The following OSBPL3 variants were observed in gnomAD, a reference collection of about 807,000 sequenced individuals.
The protein encoded by OSBPL3 is oxysterol binding protein like 3.
OSBPL3 carries 65 observed loss-of-function variants against 120.1 expected under a neutral mutation model. The ratio of observed to expected loss-of-function variants is 0.54; its 90% CI spans 0.44 to 0.67. The LOEUF (loss-of-function observed/expected upper bound fraction) is 0.67, where lower values mean the gene tolerates loss of function less well. OSBPL3 is among the 30% of genes least tolerant of loss of function. OSBPL3 has a pLI of 0.00. For missense variants in OSBPL3, 1,004 were observed against 1,082.1 expected (o/e 0.93, Z 1.01); for synonymous variants, 416 against 402.6 (o/e 1.03, Z -0.40).
chr7:24,844,683 G>A (rs1369633219), intron 12 of OSBPL3, among the ~76,000 whole-genome samples: 7 of 149,158 alleles, frequency 4.7e-5, no homozygotes, highest in Admixed American at 4.6e-4. Context: ...AAATTAAACT[G>A]TATTCTGAAA....
intron 14 of OSBPL3, among the ~76,000 whole-genome samples, chr7:24,838,770 G>A (rs1329934420): frequency 6.6e-6 from 1 of 152,210 alleles, no homozygotes; most frequent in Non-Finnish European, 1.5e-5. Flanking sequence ...ACTTTAGTGT[G>A]CATGCTGTTT....
rs117813192 is a variant in OSBPL3 at position 24,856,202 on chromosome 7, G to A, written c.1028-3568C>T. Among the ~76,000 whole-genome samples the A allele has an allele frequency of 4.9e-4, 75 of 152,186 alleles. No individual in the cohort carries two copies. In the East Asian group the frequency reaches 0.013, roughly 26 times the overall value. On this transcript the variant is annotated intron_variant, in intron 10 of 22. Coordinates refer to ENST00000313367, the MANE Select transcript of OSBPL3 (RefSeq NM_015550.4). ...ACCCTTCCTGGACTATGAGAGGCAG[G>A]CACAGGTTGAGTTTTTGACTGTAAG...
chr7:24,963,788 T>C (rs1816062503), intron 1 of OSBPL3, among the ~76,000 whole-genome samples: 1 of 152,222 alleles, frequency 6.6e-6, no homozygotes, highest in African/African-American at 2.4e-5. Context: ...AACAGATTAG[T>C]GTTTTTCACC....
rs903147317 is a variant in OSBPL3 at position 24,953,116 on chromosome 7, G to T, written c.-150+26770C>A. 6.6e-6 allele frequency among the ~76,000 whole-genome samples: 1 copy of T among 152,190 alleles called. No homozygotes were observed. The highest frequency in any genetic ancestry group is 2.4e-5 in the African/African-American group (1 of 41,440). On this transcript the variant is annotated intron_variant, in intron 1 of 22. Transcript: ENST00000313367. This position sits in a 1 kb window ranked among gnomAD's most constrained non-coding sequence, Gnocchi z 4.3. Reference sequence around the variant, plus strand: ...CACACCACTGTGCTCCAGCCTGGACGACAGAGTGAGACCCCGTCTCTAAAA... The same window carrying T: ...CACACCACTGTGCTCCAGCCTGGACTACAGAGTGAGACCCCGTCTCTAAAA...
chr7:24,867,132 C>T lies in OSBPL3; in HGVS notation c.382-895G>A, dbSNP rs147704044. Among the ~76,000 whole-genome samples the T allele has an allele frequency of 8.3e-3, 1,260 of 152,280 alleles. 6 individuals carry two copies. The highest frequency in any genetic ancestry group is 0.014 in the Non-Finnish European group (949 of 68,016). ...CTATTTTTAAGAAAACAGAACAGTG[C>T]CAATTATATTAAGCAACAAATAAAC... On this transcript the variant is annotated intron_variant, in intron 5 of 22. Transcript: ENST00000313367. This position sits in a 1 kb window ranked among gnomAD's most constrained non-coding sequence, Gnocchi z 4.5.
intron 1 of OSBPL3, among the ~76,000 whole-genome samples, chr7:24,924,338 C>G (rs149517934): frequency 1.2e-4 from 19 of 152,214 alleles, no homozygotes; most frequent in Admixed American, 5.9e-4. Flanking sequence ...TTCCTCTATA[C>G]GTTCTCTGTA....
intron 14 of OSBPL3, among the ~76,000 whole-genome samples, chr7:24,839,060 A>G (rs1412233273): frequency 6.6e-6 from 1 of 152,230 alleles, no homozygotes; most frequent in Non-Finnish European, 1.5e-5. Flanking sequence ...CGGTCCCCCA[A>G]AAGGTGGCTC....
chr7:24,830,720 G>C lies in OSBPL3; in HGVS notation c.1884+48C>G. 2 of 1,547,622 alleles carry C rather than the reference G, an allele frequency of 1.3e-6. No individual in the cohort carries two copies. Among genetic ancestry groups the C allele is most frequent in the Non-Finnish European group, 1.7e-6 (2 of 1,146,010 alleles). On this transcript the variant is annotated intron_variant, in intron 16 of 22. Coordinates refer to ENST00000313367, the MANE Select transcript of OSBPL3 (RefSeq NM_015550.4). This position sits in a 1 kb window ranked among gnomAD's most constrained non-coding sequence, Gnocchi z 4.4. Reference sequence around the variant, plus strand: ...AATATTTCAGAAGCACATTTAATGGGAGACATAAGCAACCCCTCCCAACAA... The same window carrying C: ...AATATTTCAGAAGCACATTTAATGGCAGACATAAGCAACCCCTCCCAACAA...
At chr7:24,889,184 C>T (rs183675643) in intron 2 of OSBPL3, among the ~76,000 whole-genome samples, 1 of 152,308 alleles carries the variant, frequency 6.6e-6, no homozygotes, top group East Asian at 1.9e-4. Flanking sequence ...AAAAGAAAGA[C>T]ATCTTGTCAT....
chr7:24,816,048 G>C (rs1794427308), intron 18 of OSBPL3, among the ~76,000 whole-genome samples: 1 of 152,120 alleles, frequency 6.6e-6, no homozygotes, highest in South Asian at 2.1e-4. Flanking sequence ...AATTGAGATA[G>C]GGTCTCACCC....
intron 12 of OSBPL3, among the ~76,000 whole-genome samples, chr7:24,844,269 G>A (rs913271475): frequency 3.9e-5 from 6 of 152,204 alleles, no homozygotes; most frequent in African/African-American, 1.4e-4. Flanking sequence ...GTTAAATCAA[G>A]CGTGGCCAAC....
intron 10 of OSBPL3, among the ~76,000 whole-genome samples, chr7:24,861,157 T>C (rs1800475311): frequency 1.3e-5 from 2 of 152,258 alleles, no homozygotes; most frequent in African/African-American, 4.8e-5. Flanking sequence ...GGCTTTAATC[T>C]GCATTTTCCT....
rs541827620 is a variant in OSBPL3, at chr7:24,862,343, A to G, written c.871-574T>C. 3.2e-4 allele frequency among the ~76,000 whole-genome samples: 49 copies of G among 152,378 alleles called. No individual in the cohort carries two copies. Among genetic ancestry groups the G allele is most frequent in the Admixed American group, 3.0e-3 (46 of 15,310 alleles). ...GCATTAAAGCTATAGGTTGAAAATG[A>G]CAGCTAAAGCTGCCAGGCTTTCTCA... On this transcript the variant is annotated intron_variant, in intron 9 of 22. Coordinates refer to ENST00000313367, the MANE Select transcript of OSBPL3 (RefSeq NM_015550.4). This position sits in a 1 kb window ranked among gnomAD's most constrained non-coding sequence, Gnocchi z 4.4.
At chr7:24,941,938 C>T (rs1475378555) in intron 1 of OSBPL3, among the ~76,000 whole-genome samples, 2 of 152,196 alleles carry the variant, frequency 1.3e-5, no homozygotes, top group Non-Finnish European at 2.9e-5. Context: ...GCCAGGCAGG[C>T]TGTATAGTTA....
rs143255208 is a variant in OSBPL3 at position 24,873,489 on chromosome 7, T to C, written c.97-1420A>G. 2.9e-3 allele frequency among the ~76,000 whole-genome samples: 439 copies of C among 152,302 alleles called. 4 individuals are homozygous for C. The highest frequency in any genetic ancestry group is 0.017 in the Middle Eastern group (5 of 294). On this transcript the variant is annotated intron_variant, in intron 2 of 22. Transcript: ENST00000313367. This position sits in a 1 kb window ranked among gnomAD's most constrained non-coding sequence, Gnocchi z 4.1. Reference sequence around the variant, plus strand: ...CCAATTAAAGGTACATTCCAGAGTTTTAAAATATCACAGTGGTATCCCAAG... The same window carrying C: ...CCAATTAAAGGTACATTCCAGAGTTCTAAAATATCACAGTGGTATCCCAAG...
rs945171141 is a variant in OSBPL3, at chr7:24,803,401, C to A, written c.2567+914G>T. 7.2e-5 allele frequency among the ~76,000 whole-genome samples: 11 copies of A among 152,186 alleles called. No individual in the cohort carries two copies. Among genetic ancestry groups the A allele is most frequent in the African/African-American group, 2.7e-4 (11 of 41,440 alleles). On this transcript the variant is annotated intron_variant, in intron 22 of 22. Transcript: ENST00000313367. The surrounding 1 kb of genome is among the most constrained non-coding windows in gnomAD (Gnocchi z 4.2). ...ATACCGAGTCCTTCAACAGATCCCCCACCTGCCTTGAGCTTTCTCTTCTAC... is the reference window on the plus strand; with the variant it reads ...ATACCGAGTCCTTCAACAGATCCCCAACCTGCCTTGAGCTTTCTCTTCTAC...
chr7:24,816,296 G>C (rs1174000839), intron 18 of OSBPL3, among the ~76,000 whole-genome samples: 1 of 152,164 alleles, frequency 6.6e-6, no homozygotes, highest in Non-Finnish European at 1.5e-5. Context: ...CCAAAGTGCT[G>C]GGATTACAGA....
At chr7:24,917,420 ATATATATT>A (rs1473947458) in intron 1 of OSBPL3, among the ~76,000 whole-genome samples, 10 of 137,774 alleles carry the variant, frequency 7.3e-5, no homozygotes, top group Non-Finnish European at 1.4e-4. Context: ...ATATATATAT[ATATATATT>A]TGTAACATAT....
At chr7:24,944,217 C>T (rs6972736) in intron 1 of OSBPL3, among the ~76,000 whole-genome samples, 37,023 of 152,048 alleles carry the variant, frequency 0.24, 5,399 homozygotes, top group Non-Finnish European at 0.34. Context: ...GGCTGTAACA[C>T]CTCCTAAAGT....
Sources: gnomAD v4.1 joint callset for allele counts (sites outside exome capture counted in the v4.1 genomes callset) on GRCh38, gnomAD v4.1.1 for gene constraint, Gnocchi (gnomAD v3.1) non-coding constraint, MANE v1.5 for transcripts, NCBI Gene and HGNC (gene_info 2026-07-23, HGNC 2026-07-21) for gene names.